Variants in ASB11 observed in about 807,000 individuals in gnomAD.
ASB11 encodes the protein ankyrin repeat and SOCS box containing 11, also known as ankyrin repeat and SOCS box protein 11.
In ASB11, 17 loss-of-function variants were observed where a neutral mutation model predicts 20.1. The observed-to-expected ratio is 0.85, with a 90% confidence interval of 0.58 to 1.27. The LOEUF is 1.27. Ranked by LOEUF, ASB11 falls within the 50% of genes most tolerant of loss-of-function variation. The pLI is 0.00. For missense variants in ASB11, 259 were observed against 256.9 expected (o/e 1.01, Z -0.06); for synonymous variants, 107 against 105.6 (o/e 1.01, Z -0.08).
chrX:15,284,265 A>G (rs965728846), intron 6 of ASB11, among the ~76,000 whole-genome samples: 8 of 107,995 alleles, frequency 7.4e-5, no homozygotes, highest in African/African-American at 1.7e-4. Flanking sequence ...AAAAAAAAAA[A>G]AAAAAGAAAG....
chrX:15,293,432 G>A, intron 3 of ASB11, 112 bp from the exon 4 acceptor site: 4 of 870,766 alleles, frequency 4.6e-6, no homozygotes, highest in Non-Finnish European at 6.5e-6. Flanking sequence ...GTGAATAAGT[G>A]AGGGAACTCC....
chrX:15,311,027 T>C (rs973025658), intron 1 of ASB11, among the ~76,000 whole-genome samples: 2 of 112,228 alleles, frequency 1.8e-5, no homozygotes, highest in African/African-American at 6.5e-5. Flanking sequence ...AAATCTTCTG[T>C]AGCATTTATT....
Position 15,309,967 on chromosome X carries a change from C to CAAA in ASB11, c.181+5455_181+5457dup, listed in dbSNP as rs60765469. Among the ~76,000 whole-genome samples the CAAA allele has an allele frequency of 4.8e-3, 75 of 15,496 alleles. 10 individuals are homozygous for CAAA. The highest frequency in any genetic ancestry group is 0.014 in the African/African-American group (67 of 4,744). The allele number at this position is 15,496 out of a possible 115,157, so 13.5% of individuals were successfully genotyped here. On this transcript the variant is annotated intron_variant, in intron 1 of 6. Coordinates refer to ENST00000480796, the MANE Select transcript of ASB11 (RefSeq NM_080873.3). ...TGGGCGACAGAGCAAGACTCCGTCT[C>CAAA]AAAAAAAAAAAAAAAAAAAAAAAAG...
Position 15,302,792 on chromosome X carries a change from C to A in ASB11, c.197G>T (p.Arg66Leu), listed in dbSNP as rs951080429. 8.3e-7 allele frequency: 1 copy of A among 1,210,175 alleles called. No homozygotes were observed. The highest frequency in any genetic ancestry group is 1.8e-5 in the South Asian group (1 of 56,902). ...AGCTGCAGCTTCATGAAGTGGGGATCGATCAGCCCAGCAATCTGAAACACA... is the reference window on the plus strand; with the variant it reads ...AGCTGCAGCTTCATGAAGTGGGGATAGATCAGCCCAGCAATCTGAAACACA... ...YGGISDCWAD[R>L]SPLHEAAAQG... Residue 66 changes from arginine (R) to leucine (L), a missense_variant, in exon 2 of 7, where the codon CGA becomes CTA. Arg to Leu is a moderately radical substitution (Grantham distance 102, BLOSUM62 -2). Transcript: ENST00000480796.
intron 1 of ASB11, among the ~76,000 whole-genome samples, chrX:15,307,157 G>A (rs1181811114): frequency 1.8e-5 from 2 of 112,832 alleles, no homozygotes; most frequent in Non-Finnish European, 3.7e-5. Flanking sequence ...TTGTCTCCAA[G>A]TGGGCTGTGG....
At position 15,283,537 on chromosome X, in the gene ASB11, C is replaced by G. The variant is rs746118225; in HGVS notation, c.940G>C (p.Glu314Gln). 3.3e-6 allele frequency: 4 copies of G among 1,210,945 alleles called. No homozygotes were observed. In the Admixed American group the frequency reaches 6.5e-5, roughly 20 times the overall value. The stretch of plus-strand genomic sequence containing the variant: ...TATAGGAGGAATCGTTCGAGTGGCT[C>G]TGGCAGATGTAGCTTGTGGATGGCT... ...HQAIHKLHLP[E>Q]PLERFLLYQ Residue 314 changes from glutamate (E) to glutamine (Q), a missense_variant, in exon 7 of 7, where the codon GAG (glutamate) becomes CAG (glutamine). Physicochemically the swap from Glu to Gln is conservative, Grantham distance 29. Coordinates refer to ENST00000480796, the MANE Select transcript of ASB11 (RefSeq NM_080873.3).
intron 5 of ASB11, among the ~76,000 whole-genome samples, chrX:15,288,846 T>C (rs1927457135): frequency 9.1e-6 from 1 of 110,427 alleles, no homozygotes; most frequent in Non-Finnish European, 1.9e-5. Flanking sequence ...GGTCACGCCA[T>C]TGCACTCCAA....
intron 2 of ASB11, among the ~76,000 whole-genome samples, chrX:15,301,654 G>A (rs747065194): frequency 1.8e-5 from 2 of 111,963 alleles, no homozygotes; most frequent in South Asian, 7.5e-4. Context: ...TACCTCCTCT[G>A]TATAAATGTA....
chrX:15,297,120 T>C (rs963678999), intron 3 of ASB11, among the ~76,000 whole-genome samples: 26 of 111,948 alleles, frequency 2.3e-4, no homozygotes, highest in South Asian at 7.4e-4. Context: ...AGTGAAACTC[T>C]GTCTCTACTA....
At chrX:15,283,701 C>CT in intron 6 of ASB11, 72 bp from the exon 7 acceptor site, 1 of 1,130,183 alleles carries the variant, frequency 8.8e-7, no homozygotes, top group Non-Finnish European at 1.2e-6. Flanking sequence ...AATCAGAGAA[C>CT]TGGAAGAGGC....
At chrX:15,294,455 C>T (rs1920952385) in intron 3 of ASB11, among the ~76,000 whole-genome samples, 1 of 112,055 alleles carries the variant, frequency 8.9e-6, no homozygotes, top group Non-Finnish European at 1.9e-5. Flanking sequence ...ACTGCAGCCT[C>T]GAATTCCTAG....
chrX:15,304,466 C>T (rs1049413672), intron 1 of ASB11, among the ~76,000 whole-genome samples: 4 of 112,138 alleles, frequency 3.6e-5, no homozygotes, highest in African/African-American at 1.3e-4. Context: ...CATAGATGTG[C>T]GTATATACGT....
Position 15,289,382 on chromosome X carries a change from T to C in ASB11, c.655+122A>G, listed in dbSNP as rs147719021. 1.0e-4 allele frequency: 80 copies of C among 797,433 alleles called. No individual in the cohort carries two copies. The East Asian group carries it at 2.7e-3, about 27-fold the overall frequency. The allele number at this position is 797,433 out of a possible 1,213,427, so 65.7% of individuals were successfully genotyped here. A position where few individuals can be genotyped will look rare whatever the true frequency, so the allele number is the denominator to read the frequency against. Reference sequence around the variant, plus strand: ...CATTTCTCTAGAGAAGTTTTGTTTTTAGCATTCAAACATAAAATGCTAACC... The same window carrying C: ...CATTTCTCTAGAGAAGTTTTGTTTTCAGCATTCAAACATAAAATGCTAACC... On this transcript the variant is annotated intron_variant, in intron 5 of 6. Coordinates refer to ENST00000480796, the MANE Select transcript of ASB11 (RefSeq NM_080873.3).
rs1487631333 is a variant in ASB11 at position 15,287,914 on chromosome X, T to C, written c.814A>G (p.Ser272Gly). 8.3e-7 allele frequency: 1 copy of C among 1,209,173 alleles called. No individual in the cohort carries two copies. The highest frequency in any genetic ancestry group is 1.1e-6 in the Non-Finnish European group (1 of 894,550). The change falls in exon 6 of 7, where the codon AGC (serine) becomes GGC (glycine). Residue 272 changes from serine to glycine, a missense_variant. Coordinates refer to ENST00000480796, the MANE Select transcript of ASB11 (RefSeq NM_080873.3). ...KSALDLAAPK[S>G]SVEQALLLRE... ...AGCAAGAGTGCCTGCTCCACGCTGC[T>C]TTTTGGAGCCGCCAGATCAAGCGCA...
chrX:15,286,663 C>CAAAAAAAAAAAAAAAAAAAAA lies in ASB11; in HGVS notation c.847+1197_847+1217dup, dbSNP rs764801887. On this transcript the variant is annotated intron_variant, in intron 6 of 6. Coordinates refer to ENST00000480796, the MANE Select transcript of ASB11 (RefSeq NM_080873.3). ...CTGGAGACAGAGTGAGACTCCATCTCAAAAAAAAAAAAAAAAAAAAAAGTG... is the reference window on the plus strand; with the variant it reads ...CTGGAGACAGAGTGAGACTCCATCTCAAAAAAAAAAAAAAAAAAAAAAAAAAAAAAAAAAAAAAAAAAAGTG... 1.1e-4 allele frequency among the ~76,000 whole-genome samples: 6 copies of CAAAAAAAAAAAAAAAAAAAAA among 54,373 alleles called. 1 individual carries two copies. The highest frequency in any genetic ancestry group is 4.6e-4 in the African/African-American group (6 of 13,071). The allele number at this position is 54,373 out of a possible 115,157, so 47.2% of individuals were successfully genotyped here. A position where few individuals can be genotyped will look rare whatever the true frequency, so the allele number is the denominator to read the frequency against.
chrX:15,298,763 G>T (rs1020676461), intron 2 of ASB11, among the ~76,000 whole-genome samples: 1 of 111,562 alleles, frequency 9.0e-6, no homozygotes, highest in Non-Finnish European at 1.9e-5. Context: ...GGTCGAGCTG[G>T]ATCTGAAACA....
At chrX:15,300,370 A>G (rs1438594260) in intron 2 of ASB11, among the ~76,000 whole-genome samples, 1 of 112,612 alleles carries the variant, frequency 8.9e-6, no homozygotes, top group Non-Finnish European at 1.9e-5. Context: ...TTTTACTCAC[A>G]TTTACTCACA....
At position 15,284,241 on chromosome X, in the gene ASB11, G is replaced by A. The variant is rs1270515433; in HGVS notation, c.848-612C>T. Among the ~76,000 whole-genome samples, 5 of 86,732 alleles carry A rather than the reference G, an allele frequency of 5.8e-5. No homozygotes were observed. The South Asian group carries it at 1.7e-3, about 29-fold the overall frequency. The allele number at this position is 86,732 out of a possible 115,157, so 75.3% of individuals were successfully genotyped here. A position where few individuals can be genotyped will look rare whatever the true frequency, so the allele number is the denominator to read the frequency against. The stretch of plus-strand genomic sequence containing the variant: ...CACTCCAGCCTGGGCGACAGAGCGA[G>A]ACTCCGCCTCAAAAAAAAAAAAAAA... On this transcript the variant is annotated intron_variant, in intron 6 of 6. Coordinates refer to ENST00000480796, the MANE Select transcript of ASB11 (RefSeq NM_080873.3).
intron 2 of ASB11, among the ~76,000 whole-genome samples, chrX:15,300,967 T>C (rs1418076731): frequency 9.0e-6 from 1 of 111,427 alleles, no homozygotes; most frequent in Non-Finnish European, 1.9e-5. Context: ...TTTATTTATT[T>C]ATTTATTTTA....
Sources: allele counts gnomAD v4.1 joint callset (sites outside exome capture counted in the v4.1 genomes callset), GRCh38; gene constraint gnomAD v4.1.1; transcripts MANE v1.5; gene names NCBI Gene and HGNC (gene_info 2026-07-23, HGNC 2026-07-21).